A2ML1: variants seen among roughly 807,000 people sequenced by gnomAD.
A2ML1 encodes the protein alpha-2-macroglobulin like 1, also known as alpha-2-macroglobulin-like protein 1.
Under a neutral mutation model 181.9 loss-of-function variants are expected in A2ML1, and 161 were observed. The ratio of observed to expected loss-of-function variants is 0.89; its 90% CI spans 0.78 to 1.01. The LOEUF (loss-of-function observed/expected upper bound fraction) is 1.01, where lower values mean the gene tolerates loss of function less well. Among genes scored for constraint, A2ML1 ranks in the 50% least tolerant of loss-of-function variants. The pLI, the probability that A2ML1 is intolerant of heterozygous loss-of-function variation, is 0.00. For synonymous variants in A2ML1, 663 were observed against 666.8 expected (o/e 0.99, Z 0.09); for missense variants, 1,670 against 1,768.1 (o/e 0.94, Z 1.00).
chr12:8,854,787 G>C lies in A2ML1; in HGVS notation c.2720G>C (p.Gly907Ala), dbSNP rs1944004541. 1 of 1,613,972 alleles carries C rather than the reference G, an allele frequency of 6.2e-7. No homozygotes were observed. Among genetic ancestry groups the C allele is most frequent in the Non-Finnish European group, 8.5e-7 (1 of 1,180,008 alleles). Residue 907 changes from glycine (G) to alanine (A), a missense_variant, in exon 22 of 36, where the codon GGA (glycine) becomes GCA (alanine). Gly to Ala is a moderately conservative substitution (Grantham distance 60). Coordinates refer to ENST00000299698, the MANE Select transcript of A2ML1 (RefSeq NM_144670.6). ...TGTCTCTCTTCATCGCAGCCTGAGG[G>C]AGTCCTGGTGGAGAAGACACACAGC... is the stretch of plus-strand genomic sequence containing the variant. ...LIKPVLVKPE[G>A]VLVEKTHSSL...
At chr12:8,842,116 G>T (rs1055557567) in intron 11 of A2ML1, among the ~76,000 whole-genome samples, 1 of 152,234 alleles carries the variant, frequency 6.6e-6, no homozygotes, top group Non-Finnish European at 1.5e-5. Context: ...CTCTCATGCA[G>T]GAGCCAGCTA....
chr12:8,857,453 G>T, intron 24 of A2ML1, 54 bp from the exon 25 acceptor site: 1 of 1,608,412 alleles, frequency 6.2e-7, no homozygotes, highest in Non-Finnish European at 8.5e-7. Context: ...TGAACGGCAT[G>T]GGGGTGTTTT....
chr12:8,866,703 T>C (rs1305506522), intron 29 of A2ML1, among the ~76,000 whole-genome samples: 1 of 152,140 alleles, frequency 6.6e-6, no homozygotes, highest in Non-Finnish European at 1.5e-5. Flanking sequence ...CAAAAATTGT[T>C]TGTAGATGGT....
chr12:8,880,331 A>C (rs1310876965), downstream of A2ML1, among the ~76,000 whole-genome samples: 1 of 152,050 alleles, frequency 6.6e-6, no homozygotes, highest in Non-Finnish European at 1.5e-5. Flanking sequence ...GTAGCACTGC[A>C]CTCCAGGAGC....
intron 28 of A2ML1, among the ~76,000 whole-genome samples, chr12:8,862,029 G>A (rs950051849): frequency 2.6e-5 from 4 of 151,380 alleles, no homozygotes; most frequent in Admixed American, 6.6e-5. Flanking sequence ...CAAAGTGCTG[G>A]GATTACAGGC....
At chr12:8,834,496 C>G (rs761281281) in intron 4 of A2ML1, among the ~76,000 whole-genome samples, 166 bp from the exon 5 acceptor site, 1 of 152,252 alleles carries the variant, frequency 6.6e-6, no homozygotes, top group African/African-American at 2.4e-5. Flanking sequence ...AGTCTGTGCC[C>G]CCATTGTTAT....
At position 8,860,975 on chromosome 12, in the gene A2ML1, G is replaced by A. The variant is rs758617412; in HGVS notation, c.3339+20G>A. The A allele has an allele frequency of 2.9e-5, 46 of 1,613,846 alleles. No individual in the cohort carries two copies. The East Asian group carries it at 1.0e-3, about 35-fold the overall frequency. Reference sequence around the variant, plus strand: ...GTAGATGTAAGTTCTCCTGGCTCCTGCTCTTGATACCCTCCTTCTCATGCG... The same window carrying A: ...GTAGATGTAAGTTCTCCTGGCTCCTACTCTTGATACCCTCCTTCTCATGCG... On this transcript the variant is annotated intron_variant, in intron 27 of 35. Coordinates refer to ENST00000299698, the MANE Select transcript of A2ML1 (RefSeq NM_144670.6).
At chr12:8,858,720 T>C (rs2136921296) in intron 26 of A2ML1, among the ~76,000 whole-genome samples, 1 of 152,222 alleles carries the variant, frequency 6.6e-6, no homozygotes, top group African/African-American at 2.4e-5. Context: ...AATGAGAAAC[T>C]CTGGGAGGGT....
At position 8,852,161 on chromosome 12, in the gene A2ML1, G is replaced by A; in HGVS notation, c.2464-49G>A. On this transcript the variant is annotated intron_variant, in intron 19 of 35. Transcript: ENST00000299698. The surrounding 1 kb of genome is among the most constrained non-coding windows in gnomAD (Gnocchi z 4.2). ...CCCCCAGGTTTCCCCAGGCCTCTAT[G>A]CACTACCTCCTTTGTTTGTACCCTT... 5.0e-6 allele frequency: 8 copies of A among 1,611,618 alleles called. No homozygotes were observed. The highest frequency in any genetic ancestry group is 1.7e-4 in the Middle Eastern group (1 of 6,054).
At chr12:8,868,506 C>G (rs1467435961) in intron 31 of A2ML1, 31 bp from the exon 32 acceptor site, 1 of 1,609,706 alleles carries the variant, frequency 6.2e-7, no homozygotes, top group Non-Finnish European at 8.5e-7. Flanking sequence ...AAGTAATAGG[C>G]TCACATGTGT....
Position 8,848,787 on chromosome 12 carries a change from C to T in A2ML1, c.1901C>T (p.Pro634Leu), listed in dbSNP as rs1943789028. The T allele has an allele frequency of 1.2e-6, 2 of 1,613,952 alleles. No individual in the cohort carries two copies. Among genetic ancestry groups the T allele is most frequent in the African/African-American group, 1.3e-5 (1 of 74,892 alleles). ...CAAGTGGCTGAGTATGATCAGTGTC[C>T]AGTGTCTGGCCCATGGGACTTTCCT... is the stretch of plus-strand genomic sequence containing the variant. ...PYQVAEYDQC[P>L]VSGPWDFPQP... Residue 634 changes from proline (P) to leucine (L), a missense_variant, in exon 16 of 36, where the codon CCA becomes CTA. Coordinates refer to ENST00000299698, the MANE Select transcript of A2ML1 (RefSeq NM_144670.6).
In A2ML1 at chr12:8,843,302, G is replaced by T. The variant is rs201950472; in HGVS notation, c.1417G>T (p.Asp473Tyr). The T allele has an allele frequency of 4.9e-5, 79 of 1,614,020 alleles. No individual in the cohort carries two copies. Among genetic ancestry groups the T allele is most frequent in the Non-Finnish European group, 5.1e-6 (6 of 1,180,048 alleles). ...KCGQPQEVLVDYYIDPADASP... is the reference protein window; with the variant it reads ...KCGQPQEVLVYYYIDPADASP... The stretch of plus-strand genomic sequence containing the variant: ...TGGCCAGCCCCAGGAAGTGCTGGTG[G>T]ATTATTACATCGACCCGGCCGATGC... The change falls in exon 12 of 36, where the codon GAT becomes TAT. Residue 473 changes from aspartate to tyrosine, a missense_variant. Coordinates refer to ENST00000299698, the MANE Select transcript of A2ML1 (RefSeq NM_144670.6).
chr12:8,860,835 G>C (rs368849411), intron 26 of A2ML1, 46 bp from the exon 27 acceptor site: 17 of 1,545,232 alleles, frequency 1.1e-5, no homozygotes, highest in Non-Finnish European at 1.5e-5. Context: ...AATTCTTGCA[G>C]CTGCTGCCTG....
intron 12 of A2ML1, chr12:8,844,895 G>T (rs1943614057): frequency 1.1e-6 from 1 of 926,800 alleles, no homozygotes; most frequent in Non-Finnish European, 1.4e-6. Flanking sequence ...GAGCCCTGCA[G>T]GAGCGTGGGA....
intron 29 of A2ML1, among the ~76,000 whole-genome samples, chr12:8,866,951 T>C (rs1339684666): frequency 3.6e-4 from 55 of 152,386 alleles, no homozygotes; most frequent in East Asian, 3.9e-4. Flanking sequence ...ATATGAATTA[T>C]GTTTTCAGAA....
At chr12:8,841,021 A>AGGAAGGAG (rs1555109423) in intron 10 of A2ML1, among the ~76,000 whole-genome samples, 1 of 122,890 alleles carries the variant, frequency 8.1e-6, no homozygotes, top group Non-Finnish European at 1.7e-5. Context: ...GACGGAAGGA[A>AGGAAGGAG]GGAAGGAAGG....
At chr12:8,882,197 A>C (rs1327446753) in intron 7 of A2ML1, among the ~76,000 whole-genome samples, 1 of 151,954 alleles carries the variant, frequency 6.6e-6, no homozygotes, top group Non-Finnish European at 1.5e-5. Flanking sequence ...AGGAAATGAG[A>C]AGAGGAGAGA....
chr12:8,824,230 T>G (rs1412006199), intron 3 of A2ML1, among the ~76,000 whole-genome samples: 5 of 147,232 alleles, frequency 3.4e-5, no homozygotes, highest in East Asian at 2.0e-4. Flanking sequence ...GGGTTTTTTT[T>G]TTTTTTTTTT....
In A2ML1 at chr12:8,837,433, T is replaced by G. The variant is rs745446964; in HGVS notation, c.729-7T>G. 6.2e-7 allele frequency: 1 copy of G among 1,613,560 alleles called. No individual in the cohort carries two copies. The highest frequency in any genetic ancestry group is 2.2e-5 in the East Asian group (1 of 44,838). On this transcript the variant is annotated splice_region_variant and splice_polypyrimidine_tract_variant and intron_variant, in intron 7 of 35. Transcript: ENST00000299698. ...CAACTCTGACTCCTTATGCTTTTCT[T>G]GGTTAGGTACACCTATGGAAAGCCC...
Sources: gnomAD v4.1 joint callset for allele counts (sites outside exome capture counted in the v4.1 genomes callset) on GRCh38, gnomAD v4.1.1 for gene constraint, Gnocchi (gnomAD v3.1) non-coding constraint, MANE v1.5 for transcripts, NCBI Gene and HGNC (gene_info 2026-07-23, HGNC 2026-07-21) for gene names.